The following COL26A1 variants were observed in gnomAD, a reference collection of about 807,000 sequenced individuals.
COL26A1 encodes collagen alpha-1(XXVI) chain.
COL26A1 carries 41 observed loss-of-function variants against 59.3 expected under a neutral mutation model. The ratio of observed to expected loss-of-function variants is 0.69; its 90% CI spans 0.54 to 0.90. COL26A1 has a LOEUF of 0.90. Ranked by LOEUF, COL26A1 falls within the 40% of genes least tolerant of loss-of-function variation. The probability of loss-of-function intolerance (pLI) is 0.00; values close to 1 mark genes in which losing one functional copy is unlikely to be tolerated. For missense variants in COL26A1, 612 were observed against 602.3 expected, an observed-to-expected ratio of 1.02 and a Z score of -0.17; for synonymous variants, 266 against 256.0, an observed-to-expected ratio of 1.04 and a Z score of -0.37.
chr7:101,382,045 A>G (rs2117031072), intron 1 of COL26A1, among the ~76,000 whole-genome samples: 1 of 152,096 alleles, frequency 6.6e-6, no homozygotes, highest in South Asian at 2.1e-4. Context: ...TAAAATTTTT[A>G]TTTATATTTT....
At chr7:101,533,399 G>A (rs920590115) in intron 4 of COL26A1, among the ~76,000 whole-genome samples, 3 of 152,084 alleles carry the variant, frequency 2.0e-5, no homozygotes. Context: ...CAGGACCCGG[G>A]GGCTGGGAGG....
At chr7:101,479,395 G>A (rs1416568043) in intron 3 of COL26A1, among the ~76,000 whole-genome samples, 2 of 152,168 alleles carry the variant, frequency 1.3e-5, no homozygotes, top group Non-Finnish European at 2.9e-5. Context: ...GTTTAGCTGG[G>A]TATAAAATTC....
At chr7:101,419,001 TC>T (rs1792443601) in intron 1 of COL26A1, among the ~76,000 whole-genome samples, 1 of 150,526 alleles carries the variant, frequency 6.6e-6, no homozygotes, top group Non-Finnish European at 1.5e-5. Context: ...TCTTTCTCTC[TC>T]TCTCTCTCTC....
At chr7:101,374,053 A>T (rs1338635556) in intron 1 of COL26A1, among the ~76,000 whole-genome samples, 1 of 152,166 alleles carries the variant, frequency 6.6e-6, no homozygotes, top group Non-Finnish European at 1.5e-5. Flanking sequence ...GATTTTCGGG[A>T]ATGTTAGCAC....
At chr7:101,445,408 T>G (rs1793161870) in intron 2 of COL26A1, among the ~76,000 whole-genome samples, 1 of 151,960 alleles carries the variant, frequency 6.6e-6, no homozygotes, top group South Asian at 2.1e-4. Context: ...CTGGAAACTT[T>G]CATTCACGGC....
rs78590978 is a variant in COL26A1 at position 101,386,280 on chromosome 7, T to A, written c.158+23090T>A. 2.5e-3 allele frequency among the ~76,000 whole-genome samples: 333 copies of A among 132,118 alleles called. 1 individual carries two copies. Among genetic ancestry groups the A allele is most frequent in the Middle Eastern group, 7.5e-3 (2 of 268 alleles). 86.7% of individuals were successfully genotyped at this position (132,118 alleles called of 152,430 possible). ...TTGTTTTTTTTTTTTTTTTTTTTTT[T>A]AATTTTTTGAGACAGGGTCTGGCTC... On this transcript the variant is annotated intron_variant, in intron 1 of 12. Coordinates refer to ENST00000313669, the MANE Select transcript of COL26A1 (RefSeq NM_001278563.3).
chr7:101,404,774 C>T (rs1010272901), intron 1 of COL26A1, among the ~76,000 whole-genome samples: 5 of 152,170 alleles, frequency 3.3e-5, no homozygotes, highest in Middle Eastern at 3.4e-3. Context: ...TAATGATACG[C>T]GCCTGTGGTT....
At chr7:101,551,237 G>GGGGGGGGGGGGGGGGGGCC (rs1795856522) in intron 10 of COL26A1, 94 bp downstream of exon 10, 5 of 386,362 alleles carry the variant, frequency 1.3e-5, no homozygotes, top group East Asian at 5.8e-5. Context: ...TGGTGGGGGG[G>GGGGGGGGGGGGGGGGGGCC]TTCAGCCCTG....
chr7:101,454,745 A>T (rs890264166), intron 3 of COL26A1, among the ~76,000 whole-genome samples: 4 of 152,158 alleles, frequency 2.6e-5, no homozygotes, highest in African/African-American at 9.7e-5. Context: ...TCGTTCAGGC[A>T]TGAGTTACAG....
chr7:101,547,653 G>A (rs1328002554), intron 8 of COL26A1, among the ~76,000 whole-genome samples: 1 of 152,228 alleles, frequency 6.6e-6, no homozygotes, highest in African/African-American at 2.4e-5. Flanking sequence ...TCCTCATTGG[G>A]GGAAGAATGC....
At chr7:101,362,860 C>G (rs1584338194), upstream of COL26A1, 4 of 614,068 alleles carry the variant, frequency 6.5e-6, no homozygotes, top group East Asian at 1.0e-4. Flanking sequence ...AAGGCGGCCC[C>G]GGAGAGGCGT....
intron 3 of COL26A1, among the ~76,000 whole-genome samples, chr7:101,486,697 C>T (rs1205792034): frequency 6.6e-6 from 1 of 152,258 alleles, no homozygotes; most frequent in Non-Finnish European, 1.5e-5. Flanking sequence ...TTTTATTAGG[C>T]ACGTCGATCC....
At chr7:101,420,512 C>T (rs1388299331) in intron 2 of COL26A1, among the ~76,000 whole-genome samples, 1 of 152,142 alleles carries the variant, frequency 6.6e-6, no homozygotes, top group East Asian at 1.9e-4. Context: ...GGCCTCGCCC[C>T]TGGCAGCACT....
Position 101,489,719 on chromosome 7 carries a change from T to C in COL26A1, c.385+41932T>C, listed in dbSNP as rs1484040204. 3.7e-5 allele frequency among the ~76,000 whole-genome samples: 4 copies of C among 106,892 alleles called. 1 individual carries two copies. Among genetic ancestry groups the C allele is most frequent in the Admixed American group, 8.5e-5 (1 of 11,816 alleles). 70.1% of individuals were successfully genotyped at this position (106,892 alleles called of 152,430 possible). A position where few individuals can be genotyped will look rare whatever the true frequency, so the allele number is the denominator to read the frequency against. On this transcript the variant is annotated intron_variant, in intron 3 of 12. Transcript: ENST00000313669. ...TTTCTGTCTTTCTTTCTTTCATTCT[T>C]TCTTTCTCTCTCTCTTTCTCTCTTT... is the stretch of plus-strand genomic sequence containing the variant.
At chr7:101,545,600 C>T in intron 7 of COL26A1, 110 bp downstream of exon 7, 1 of 1,183,366 alleles carries the variant, frequency 8.5e-7, no homozygotes, top group Non-Finnish European at 1.1e-6. Flanking sequence ...CATGCCCATC[C>T]TGCTGCACCC....
intron 3 of COL26A1, among the ~76,000 whole-genome samples, chr7:101,506,066 C>T (rs1025470109): frequency 3.3e-5 from 5 of 152,216 alleles, no homozygotes; most frequent in African/African-American, 1.2e-4. Flanking sequence ...CTTGAATTCT[C>T]CTTCTGTCCT....
chr7:101,376,944 T>C (rs10237894), intron 1 of COL26A1, among the ~76,000 whole-genome samples: 9,362 of 152,236 alleles, frequency 0.061, 657 homozygotes, highest in African/African-American at 0.16. Flanking sequence ...CTGCAATCTC[T>C]GCCTCCTGGC....
intron 1 of COL26A1, among the ~76,000 whole-genome samples, chr7:101,364,560 T>A (rs1272822846): frequency 2.0e-5 from 2 of 99,242 alleles, no homozygotes; most frequent in Non-Finnish European, 3.8e-5. Context: ...ACTGACCTCT[T>A]GTGCTTTCTT....
At chr7:101,480,558 T>C (rs971991722) in intron 3 of COL26A1, among the ~76,000 whole-genome samples, 3 of 152,176 alleles carry the variant, frequency 2.0e-5, no homozygotes, top group Non-Finnish European at 2.9e-5. Context: ...TGGAGTGTCA[T>C]AGTGCAATCC....
Sources: allele counts gnomAD v4.1 joint callset (sites outside exome capture counted in the v4.1 genomes callset), GRCh38; gene constraint gnomAD v4.1.1; transcripts MANE v1.5; gene names NCBI Gene and HGNC (gene_info 2026-07-23, HGNC 2026-07-21).